CYP27C1: variants seen among roughly 807,000 people sequenced by gnomAD.
The protein encoded by CYP27C1 is cytochrome P450 27C1.
In CYP27C1, 29 loss-of-function variants were observed where a neutral mutation model predicts 40.6. That is an observed-to-expected ratio of 0.71 (90% CI 0.53 to 0.97). The LOEUF (loss-of-function observed/expected upper bound fraction) is 0.97. Among genes scored for constraint, CYP27C1 ranks in the 50% least tolerant of loss-of-function variants. CYP27C1 has a pLI of 0.00. For missense variants in CYP27C1, 390 were observed against 485.8 expected (o/e 0.80, Z 1.85); for synonymous variants, 198 against 186.8 (o/e 1.06, Z -0.49).
At chr2:127,216,221 T>TGAAA (rs1314095209) in intron 1 of CYP27C1, among the ~76,000 whole-genome samples, 1 of 152,194 alleles carries the variant, frequency 6.6e-6, no homozygotes, top group Non-Finnish European at 1.5e-5. Context: ...AACACATGTC[T>TGAAA]ACACAAAACC....
chr2:127,191,207 T>G (rs1326375735), intron 8 of CYP27C1, among the ~76,000 whole-genome samples: 1 of 152,092 alleles, frequency 6.6e-6, no homozygotes, highest in Non-Finnish European at 1.5e-5. Flanking sequence ...ATTGCACCAC[T>G]GCACTCTAGC....
At chr2:127,211,369 GTTTTTTTTTTTTTTT>G (rs371826841) in intron 1 of CYP27C1, among the ~76,000 whole-genome samples, 2 of 94,940 alleles carry the variant, frequency 2.1e-5, no homozygotes, top group African/African-American at 8.6e-5. Flanking sequence ...GTGTTTTTTT[GTTTTTTTTTTTTTTT>G]TTTTTTTTTT....
Position 127,216,340 on chromosome 2 carries a change from G to A in CYP27C1, c.282+3649C>T, listed in dbSNP as rs570114209. 4.6e-5 allele frequency among the ~76,000 whole-genome samples: 7 copies of A among 152,288 alleles called. No individual in the cohort carries two copies. The South Asian group carries it at 1.0e-3, about 23-fold the overall frequency. The stretch of plus-strand genomic sequence containing the variant: ...TAAGCAAAATGTGGTATAGTCATAC[G>A]CTGCAATATTATTTGTCCATAAAAA... On this transcript the variant is annotated intron_variant, in intron 1 of 8. Transcript: ENST00000664447.
intron 6 of CYP27C1, 131 bp from the exon 7 acceptor site, chr2:127,193,998 C>T: frequency 1.9e-6 from 2 of 1,029,962 alleles, no homozygotes; most frequent in Non-Finnish European, 2.8e-6. Context: ...ACATTTTCAA[C>T]TGAAACATTT....
intron 5 of CYP27C1, among the ~76,000 whole-genome samples, chr2:127,198,475 T>C (rs75269622): frequency 0.016 from 2,377 of 152,284 alleles, 50 homozygotes; most frequent in African/African-American, 0.055. Flanking sequence ...ACTTTAAACA[T>C]TTATTATCAT....
chr2:127,193,275 T>G lies in CYP27C1; in HGVS notation c.1316A>C (p.Tyr439Ser), dbSNP rs757287610. ...PKGTQLALCH[Y>S]ATSYQDENFP... ...GTTCTCATCCTGGTACGATGTGGCA[T>G]AGTGGCAAAGGGCCAGCTGGGTCTG... is the stretch of plus-strand genomic sequence containing the variant. Residue 439 changes from tyrosine (Y) to serine (S), a missense_variant, in exon 8 of 9, where the codon TAT (tyrosine) becomes TCT (serine). Physicochemically the swap from Tyr to Ser is moderately radical, Grantham distance 144. Coordinates refer to ENST00000664447, the MANE Select transcript of CYP27C1 (RefSeq NM_001367502.1). 1 of 1,614,186 alleles carries G rather than the reference T, an allele frequency of 6.2e-7. No homozygotes were observed. Among genetic ancestry groups the G allele is most frequent in the South Asian group, 1.1e-5 (1 of 91,078 alleles).
At chr2:127,203,596 A>G in intron 2 of CYP27C1, 25 bp from the exon 3 acceptor site, 1 of 1,597,444 alleles carries the variant, frequency 6.3e-7, no homozygotes, top group Non-Finnish European at 8.5e-7. Flanking sequence ...TGAGTTTCAA[A>G]TCATCTTACT....
intron 2 of CYP27C1, among the ~76,000 whole-genome samples, chr2:127,204,535 AAG>A (rs372686054): frequency 0.023 from 1,069 of 46,854 alleles, 112 homozygotes; most frequent in African/African-American, 0.049. Context: ...GAAAGAAAGA[AAG>A]AGAGAGAGAG....
At chr2:127,197,937 G>A (rs1054505783) in intron 5 of CYP27C1, among the ~76,000 whole-genome samples, 1 of 152,008 alleles carries the variant, frequency 6.6e-6, no homozygotes, top group Non-Finnish European at 1.5e-5. Flanking sequence ...TCCACGCGCT[G>A]CTCTGTGTTC....
intron 8 of CYP27C1, among the ~76,000 whole-genome samples, chr2:127,190,342 C>CTTTTTTTTTTTTT (rs1241035422): frequency 6.6e-4 from 64 of 96,622 alleles, no homozygotes; most frequent in Non-Finnish European, 8.5e-4. Flanking sequence ...TTTTTTTTTT[C>CTTTTTTTTTTTTT]TTTTTTTTTT....
intron 1 of CYP27C1, among the ~76,000 whole-genome samples, chr2:127,210,297 A>G (rs1369090528): frequency 1.6e-4 from 24 of 152,212 alleles, no homozygotes; most frequent in Admixed American, 1.6e-3. Flanking sequence ...AATCCTTTCC[A>G]GAAAAGCAAA....
chr2:127,193,993 T>G, intron 6 of CYP27C1, 126 bp from the exon 7 acceptor site: 1 of 1,069,174 alleles, frequency 9.4e-7, no homozygotes, highest in South Asian at 1.6e-5. Context: ...ATGGTACATT[T>G]TCAACTGAAA....
intron 1 of CYP27C1, among the ~76,000 whole-genome samples, chr2:127,213,301 G>T (rs1380356166): frequency 1.9e-5 from 2 of 102,618 alleles, no homozygotes; most frequent in Non-Finnish European, 4.0e-5. Context: ...ATTCTTCACA[G>T]AATTAGAAAA....
chr2:127,192,779 C>T (rs75986646), intron 8 of CYP27C1, among the ~76,000 whole-genome samples: 4,278 of 53,868 alleles, frequency 0.079, 104 homozygotes, highest in Non-Finnish European at 0.12. Flanking sequence ...AGGGTGGGCA[C>T]GGGAGATGGG....
intron 7 of CYP27C1, 126 bp downstream of exon 7, chr2:127,193,663 A>G: frequency 9.7e-7 from 1 of 1,029,338 alleles, no homozygotes; most frequent in Non-Finnish European, 1.4e-6. Flanking sequence ...TCATCTTAAA[A>G]TACATGCAAA....
Position 127,195,409 on chromosome 2 carries a change from C to G in CYP27C1, c.1140G>C (p.Gly380=). The change falls in exon 6 of 9, where the codon GGG becomes GGC. Residue 380 remains glycine, a synonymous_variant. Coordinates refer to ENST00000664447, the MANE Select transcript of CYP27C1 (RefSeq NM_001367502.1). This position sits in a 1 kb window ranked among gnomAD's most constrained non-coding sequence, Gnocchi z 6.2. ...CAGCTGCAGTTGGAACATGCCTTTC[C>G]CCTAAATTCTTCACAATCTCCCGGT... ...TVYREIVKNL[G]ERHVPTAADV... The G allele has an allele frequency of 6.2e-7, 1 of 1,614,116 alleles. No homozygotes were observed. Among genetic ancestry groups the G allele is most frequent in the Non-Finnish European group, 8.5e-7 (1 of 1,180,030 alleles).
Position 127,195,639 on chromosome 2 carries a change from T to C in CYP27C1, c.1048-138A>G, listed in dbSNP as rs1350912827. The C allele has an allele frequency of 5.5e-6, 4 of 725,928 alleles. No individual in the cohort carries two copies. The highest frequency in any genetic ancestry group is 2.8e-5 in the East Asian group (1 of 35,600). The allele number at this position is 725,928 out of a possible 1,614,324, so 45.0% of individuals were successfully genotyped here. On this transcript the variant is annotated intron_variant, in intron 5 of 8. Transcript: ENST00000664447. This position sits in a 1 kb window ranked among gnomAD's most constrained non-coding sequence, Gnocchi z 6.2. ...TCATCCAATTCCATATAGCACCTAA[T>C]GTCTTACTAAAAACGAAAGACTGTT...
Position 127,196,916 on chromosome 2 carries a change from C to T in CYP27C1, c.1048-1415G>A, listed in dbSNP as rs918693320. On this transcript the variant is annotated intron_variant, in intron 5 of 8. Coordinates refer to ENST00000664447, the MANE Select transcript of CYP27C1 (RefSeq NM_001367502.1). This position sits in a 1 kb window ranked among gnomAD's most constrained non-coding sequence, Gnocchi z 4.5. ...GTGGCAGTGGTTTCATAAATGATTC[C>T]ATCTGTCAAAAATCTGTATCGCATT... 6.6e-6 allele frequency among the ~76,000 whole-genome samples: 1 copy of T among 152,098 alleles called. No homozygotes were observed. Among genetic ancestry groups the T allele is most frequent in the Non-Finnish European group, 1.5e-5 (1 of 68,012 alleles).
intron 7 of CYP27C1, 145 bp downstream of exon 7, chr2:127,193,644 A>T (rs1682834416): frequency 2.3e-6 from 2 of 872,898 alleles, no homozygotes; most frequent in Admixed American, 2.5e-5. Flanking sequence ...TTCTCCCAAC[A>T]CCCCATCTTC....
Sources: gnomAD v4.1 joint callset for allele counts (sites outside exome capture counted in the v4.1 genomes callset) on GRCh38, gnomAD v4.1.1 for gene constraint, Gnocchi (gnomAD v3.1) non-coding constraint, MANE v1.5 for transcripts, NCBI Gene and HGNC (gene_info 2026-07-23, HGNC 2026-07-21) for gene names.